Variants in GRAMD1B observed in about 807,000 individuals in gnomAD.
GRAMD1B encodes protein Aster-B.
In GRAMD1B, 37 loss-of-function variants were observed where a neutral mutation model predicts 99.7. The ratio of observed to expected loss-of-function variants is 0.37; its 90% CI spans 0.29 to 0.49. The LOEUF (loss-of-function observed/expected upper bound fraction) is 0.49, where lower values mean the gene tolerates loss of function less well. Ranked by LOEUF, GRAMD1B falls within the 20% of genes least tolerant of loss-of-function variation. The pLI is 0.98. For missense variants in GRAMD1B, 888 were observed against 1,009.2 expected, an observed-to-expected ratio of 0.88 and a Z score of 1.63; for synonymous variants, 427 against 387.6, an observed-to-expected ratio of 1.10 and a Z score of -1.19.
chr11:123,618,385 C>G (rs746496167), intron 17 of GRAMD1B: 2 of 1,603,816 alleles, frequency 1.2e-6, no homozygotes, highest in Middle Eastern at 1.7e-4. Context: ...CTCCTTTACC[C>G]CCTCATCTCT....
intron 2 of GRAMD1B, among the ~76,000 whole-genome samples, chr11:123,508,695 T>C (rs74553011): frequency 0.013 from 1,977 of 149,838 alleles, 48 homozygotes; most frequent in African/African-American, 0.045. Context: ...ATTGCCTTCT[T>C]TTTTTTTTTG....
At position 123,614,886 on chromosome 11, in the gene GRAMD1B, G is replaced by T. The variant is rs374208190; in HGVS notation, c.2318+51G>T. 4.4e-3 allele frequency: 4,735 copies of T among 1,067,762 alleles called. 171 individuals are homozygous for T. In the South Asian group the frequency reaches 0.061, roughly 14 times the overall value. 66.1% of individuals were successfully genotyped at this position (1,067,762 alleles called of 1,614,324 possible). A position where few individuals can be genotyped will look rare whatever the true frequency, so the allele number is the denominator to read the frequency against. The stretch of plus-strand genomic sequence containing the variant: ...CTGCCCTCACCACCTTCCCTTTCCA[G>T]CCTGGTGCCCCAGCCCTCGTCTCTT... On this transcript the variant is annotated intron_variant, in intron 17 of 19. Coordinates refer to ENST00000635736, the MANE Select transcript of GRAMD1B (RefSeq NM_001387025.1).
At chr11:123,447,662 T>C (rs1199642521) in intron 1 of GRAMD1B, among the ~76,000 whole-genome samples, 4 of 152,116 alleles carry the variant, frequency 2.6e-5, no homozygotes, top group Non-Finnish European at 5.9e-5. Flanking sequence ...AAATGGAGAG[T>C]GTACATTTCT....
At chr11:123,565,345 G>A (rs868006494) in intron 2 of GRAMD1B, among the ~76,000 whole-genome samples, 1 of 151,958 alleles carries the variant, frequency 6.6e-6, no homozygotes, top group Admixed American at 6.5e-5. Context: ...GGCCATAGAG[G>A]CAATTTTAAA....
intron 1 of GRAMD1B, among the ~76,000 whole-genome samples, chr11:123,389,400 C>T (rs114445676): frequency 0.015 from 2,239 of 151,144 alleles, 52 homozygotes; most frequent in African/African-American, 0.038. Context: ...AAAAAAAAAT[C>T]CCAACTGAGG....
chr11:123,480,759 C>A (rs1951552202), intron 1 of GRAMD1B, 57 bp from the exon 2 acceptor site: 1 of 398,650 alleles, frequency 2.5e-6, no homozygotes, highest in Non-Finnish European at 4.4e-6. Context: ...AAGTGACCTC[C>A]CCCAGGGTTG....
chr11:123,612,933 T>C, intron 15 of GRAMD1B, 69 bp downstream of exon 15: 2 of 833,062 alleles, frequency 2.4e-6, no homozygotes, highest in African/African-American at 1.7e-5. Flanking sequence ...CCGCCCACCA[T>C]TCAGGGGAAT....
chr11:123,386,312 GC>G (rs1679001820), intron 1 of GRAMD1B, among the ~76,000 whole-genome samples: 1 of 152,146 alleles, frequency 6.6e-6, no homozygotes, highest in Non-Finnish European at 1.5e-5. Context: ...TGAACAGGAG[GC>G]CCCTTGAGAG....
intron 19 of GRAMD1B, 106 bp from the exon 20 acceptor site, chr11:123,622,400 C>T (rs529740608): frequency 1.2e-4 from 82 of 689,586 alleles, no homozygotes; most frequent in African/African-American, 9.9e-4. Context: ...AGCCCCATGG[C>T]GTGGTTGGAG....
In GRAMD1B at chr11:123,567,648, T is replaced by C. The variant is rs573857753; in HGVS notation, c.453-9719T>C. 5.6e-4 allele frequency among the ~76,000 whole-genome samples: 85 copies of C among 151,132 alleles called. 2 individuals carry two copies. The highest frequency in any genetic ancestry group is 1.9e-3 in the African/African-American group (78 of 40,390). On this transcript the variant is annotated intron_variant, in intron 2 of 19. Coordinates refer to ENST00000635736, the MANE Select transcript of GRAMD1B (RefSeq NM_001387025.1). ...CTCCATGGAAATGAAAAATAGTGTT[T>C]GTCATGCCTGTTCCTGGATTGAATT...
intron 1 of GRAMD1B, among the ~76,000 whole-genome samples, chr11:123,422,030 A>T (rs1297385491): frequency 2.0e-5 from 3 of 152,228 alleles, no homozygotes; most frequent in Non-Finnish European, 2.9e-5. Context: ...AAGCTACAAA[A>T]AGACGTTGTA....
intron 1 of GRAMD1B, chr11:123,435,455 T>G: frequency 2.8e-6 from 2 of 702,830 alleles, no homozygotes; most frequent in Admixed American, 2.0e-5. Context: ...GGATTTTCAC[T>G]GCACAAAGTT....
intron 1 of GRAMD1B, among the ~76,000 whole-genome samples, chr11:123,362,969 C>T (rs923090171): frequency 1.3e-5 from 2 of 150,906 alleles, no homozygotes; most frequent in African/African-American, 2.4e-5. Context: ...GGTAGGGTGG[C>T]GGAGAGAGGA....
intron 2 of GRAMD1B, among the ~76,000 whole-genome samples, chr11:123,567,652 A>G (rs534781556): frequency 6.6e-6 from 1 of 152,180 alleles, no homozygotes; most frequent in African/African-American, 2.4e-5. Flanking sequence ...AGTGTTTGTC[A>G]TGCCTGTTCC....
chr11:123,426,661 T>A (rs561661142), upstream of GRAMD1B, among the ~76,000 whole-genome samples: 1 of 152,288 alleles, frequency 6.6e-6, no homozygotes, highest in South Asian at 2.1e-4. Flanking sequence ...GGATTGTCTG[T>A]CTTGCAACAA....
At chr11:123,519,093 C>T (rs913415955) in intron 2 of GRAMD1B, among the ~76,000 whole-genome samples, 4 of 152,202 alleles carry the variant, frequency 2.6e-5, no homozygotes, top group Admixed American at 2.0e-4. Flanking sequence ...CCCTGCACAG[C>T]GCTGTTTCAC....
At chr11:123,472,728 C>T (rs1272278601) in intron 1 of GRAMD1B, among the ~76,000 whole-genome samples, 3 of 152,056 alleles carry the variant, frequency 2.0e-5, no homozygotes, top group East Asian at 1.9e-4. Flanking sequence ...TTTACATAGC[C>T]CAGGGGGAAG....
chr11:123,412,178 T>C (rs1034302986), intron 1 of GRAMD1B, among the ~76,000 whole-genome samples: 1 of 152,226 alleles, frequency 6.6e-6, no homozygotes, highest in Non-Finnish European at 1.5e-5. Flanking sequence ...TATTTGTAAT[T>C]AGTTGCATTT....
At chr11:123,495,124 C>CACACACAT (rs1224287387) in intron 2 of GRAMD1B, among the ~76,000 whole-genome samples, 1 of 151,446 alleles carries the variant, frequency 6.6e-6, no homozygotes, top group African/African-American at 2.4e-5. Flanking sequence ...TACACACACA[C>CACACACAT]ACACACACAC....
Sources: allele counts gnomAD v4.1 joint callset (sites outside exome capture counted in the v4.1 genomes callset), GRCh38; gene constraint gnomAD v4.1.1; transcripts MANE v1.5; gene names NCBI Gene and HGNC (gene_info 2026-07-23, HGNC 2026-07-21).